GALNTL6: variants seen among roughly 807,000 people sequenced by gnomAD.
GALNTL6 encodes polypeptide N-acetylgalactosaminyltransferase like 6.
Under a neutral mutation model 73.7 loss-of-function variants are expected in GALNTL6, and 46 were observed. That is an observed-to-expected ratio of 0.62 (90% CI 0.49 to 0.80). The LOEUF (loss-of-function observed/expected upper bound fraction) is 0.80, where lower values mean the gene tolerates loss of function less well. Ranked by LOEUF, GALNTL6 falls within the 30% of genes least tolerant of loss-of-function variation. GALNTL6 has a pLI of 0.00. For missense variants in GALNTL6, 604 were observed against 755.0 expected (o/e 0.80, Z 2.34); for synonymous variants, 259 against 263.7 (o/e 0.98, Z 0.17).
intron 2 of GALNTL6, among the ~76,000 whole-genome samples, chr4:171,957,423 T>C (rs449799): frequency 0.48 from 72,474 of 152,040 alleles, 17,777 homozygotes; most frequent in East Asian, 0.59. Flanking sequence ...TGGTCCCTGG[T>C]AAAGGCTGCG....
chr4:171,814,876 G>C, intron 2 of GALNTL6, 158 bp downstream of exon 2: 1 of 669,388 alleles, frequency 1.5e-6, no homozygotes, highest in East Asian at 2.7e-5. Flanking sequence ...GTTTAAGCAA[G>C]TAGATGTTTT....
At chr4:172,447,290 T>C (rs1361756461) in intron 5 of GALNTL6, among the ~76,000 whole-genome samples, 2 of 152,164 alleles carry the variant, frequency 1.3e-5, no homozygotes. Flanking sequence ...TATTGCTTTA[T>C]GTATCAGTCT....
At chr4:171,945,296 T>G (rs1431690337) in intron 2 of GALNTL6, among the ~76,000 whole-genome samples, 1 of 152,128 alleles carries the variant, frequency 6.6e-6, no homozygotes, top group Non-Finnish European at 1.5e-5. Flanking sequence ...GGGTGTGCAC[T>G]CAAGCGTTCA....
chr4:172,141,696 G>C (rs1733800711), intron 2 of GALNTL6, among the ~76,000 whole-genome samples: 1 of 151,856 alleles, frequency 6.6e-6, no homozygotes, highest in Non-Finnish European at 1.5e-5. Context: ...GAGCTAATCA[G>C]GTGTCAGTTG....
intron 5 of GALNTL6, among the ~76,000 whole-genome samples, chr4:172,782,377 C>A (rs935485212): frequency 6.6e-6 from 1 of 152,052 alleles, no homozygotes; most frequent in Non-Finnish European, 1.5e-5. Context: ...TGAGAGGAAG[C>A]AATTATATTT....
Position 172,897,371 on chromosome 4 carries a change from G to A in GALNTL6, c.1041+14464G>A, listed in dbSNP as rs143691320. 6.7e-3 allele frequency among the ~76,000 whole-genome samples: 1,017 copies of A among 152,260 alleles called. 15 individuals carry two copies. Among genetic ancestry groups the A allele is most frequent in the African/African-American group, 0.023 (965 of 41,540 alleles). On this transcript the variant is annotated intron_variant, in intron 8 of 12. Transcript: ENST00000506823. ...TCAGGCTGCAAGATATGGGCAATTC[G>A]CCCTCTGGGCCCTTGTGAGAGCCAC...
intron 5 of GALNTL6, among the ~76,000 whole-genome samples, chr4:172,803,956 AGT>A (rs1213556448): frequency 2.0e-5 from 3 of 152,210 alleles, no homozygotes; most frequent in Non-Finnish European, 4.4e-5. Flanking sequence ...GGACTGATTT[AGT>A]GTGTTCTACT....
At chr4:172,363,335 C>A (rs1227612453) in intron 5 of GALNTL6, among the ~76,000 whole-genome samples, 1 of 152,134 alleles carries the variant, frequency 6.6e-6, no homozygotes, top group East Asian at 1.9e-4. Flanking sequence ...TCCCTGAAAC[C>A]CTCCCACCTG....
At chr4:172,759,070 G>T (rs1006131805) in intron 5 of GALNTL6, among the ~76,000 whole-genome samples, 3 of 152,190 alleles carry the variant, frequency 2.0e-5, no homozygotes, top group African/African-American at 7.2e-5. Context: ...GGTGTCACTG[G>T]TGTAGCTCTG....
chr4:172,411,720 C>A (rs1744444327), intron 5 of GALNTL6, among the ~76,000 whole-genome samples: 1 of 151,804 alleles, frequency 6.6e-6, no homozygotes, highest in African/African-American at 2.4e-5. Flanking sequence ...TTAGCTGCAA[C>A]CTGCCTGGGA....
In GALNTL6 at chr4:172,358,580, CA is replaced by C. The variant is rs1436638933; in HGVS notation, c.553+9893del. Among the ~76,000 whole-genome samples the C allele has an allele frequency of 1.1e-4, 17 of 152,018 alleles. No homozygotes were observed. In the East Asian group the frequency reaches 2.3e-3, roughly 21 times the overall value. ...GTGTTAGTGTATTTTATGTGTGGCC[CA>C]AGACAATTTTTCTTCCAGTGTGGCC... On this transcript the variant is annotated intron_variant, in intron 5 of 12. Coordinates refer to ENST00000506823, the MANE Select transcript of GALNTL6 (RefSeq NM_001034845.3).
chr4:172,807,780 A>G (rs1175009799), intron 5 of GALNTL6, among the ~76,000 whole-genome samples: 1 of 152,160 alleles, frequency 6.6e-6, no homozygotes, highest in Non-Finnish European at 1.5e-5. Context: ...TTTTGAGCTA[A>G]AACACTCTCG....
chr4:172,348,643 G>T lies in GALNTL6; in HGVS notation c.507G>T (p.Gly169=). The T allele has an allele frequency of 6.2e-7, 1 of 1,611,728 alleles. No individual in the cohort carries two copies. The highest frequency in any genetic ancestry group is 8.5e-7 in the Non-Finnish European group (1 of 1,178,652). ...TIHSIINRTP[G]SLIAEIILVD... ...ACAGTATAATTAACCGAACCCCAGG[G>T]AGTCTGATAGCAGAAATCATTCTAG... The change falls in exon 5 of 13, where the codon GGG becomes GGT. Residue 169 remains glycine, a synonymous_variant. Coordinates refer to ENST00000506823, the MANE Select transcript of GALNTL6 (RefSeq NM_001034845.3).
chr4:172,914,668 G>C (rs1434481068), intron 8 of GALNTL6, among the ~76,000 whole-genome samples: 1 of 152,196 alleles, frequency 6.6e-6, no homozygotes, highest in African/African-American at 2.4e-5. Flanking sequence ...TTACATAATG[G>C]TAAAGGGATC....
rs184542850 is a variant in GALNTL6, at chr4:171,840,161, A to G, written c.138+25443A>G. Among the ~76,000 whole-genome samples, 6 of 152,302 alleles carry G rather than the reference A, an allele frequency of 3.9e-5. No homozygotes were observed. The East Asian group carries it at 1.2e-3, about 29-fold the overall frequency. ...GCTCGCTGGCTTAAAATATATTCTG[A>G]AAGAGTTACAAACAAATTTTATTAA... On this transcript the variant is annotated intron_variant, in intron 2 of 12. Transcript: ENST00000506823.
intron 2 of GALNTL6, among the ~76,000 whole-genome samples, chr4:172,137,733 A>AT (rs1444657306): frequency 6.6e-6 from 1 of 152,166 alleles, no homozygotes. Flanking sequence ...CTTTCCCTGA[A>AT]TTTTCTCCCT....
chr4:172,339,642 A>G lies in GALNTL6; in HGVS notation c.387-8881A>G, dbSNP rs1450526977. ...GGGGAAAATGCTGCAACTTTTCCCA[A>G]TGTCTTTCCCTCTGAGTTTCTCCAA... On this transcript the variant is annotated intron_variant, in intron 4 of 12. Transcript: ENST00000506823. Among the ~76,000 whole-genome samples, 4 of 152,196 alleles carry G rather than the reference A, an allele frequency of 2.6e-5. No individual in the cohort carries two copies. In the East Asian group the frequency reaches 7.7e-4, roughly 29 times the overall value.
chr4:172,304,170 T>C (rs939351055), intron 3 of GALNTL6, among the ~76,000 whole-genome samples: 1 of 152,224 alleles, frequency 6.6e-6, no homozygotes, highest in Non-Finnish European at 1.5e-5. Context: ...GCTTAATATG[T>C]GCTTTTGAAT....
intron 5 of GALNTL6, among the ~76,000 whole-genome samples, chr4:172,734,616 G>C (rs1736345549): frequency 6.6e-6 from 1 of 152,174 alleles, no homozygotes; most frequent in Admixed American, 6.5e-5. Context: ...GAGAAGCTCT[G>C]CCCCTGTGGC....
Sources: allele counts gnomAD v4.1 joint callset (sites outside exome capture counted in the v4.1 genomes callset), GRCh38; gene constraint gnomAD v4.1.1; transcripts MANE v1.5; gene names NCBI Gene and HGNC (gene_info 2026-07-23, HGNC 2026-07-21).